GPM6B: variants seen among roughly 807,000 people sequenced by gnomAD.
The protein encoded by GPM6B is glycoprotein M6B.
A neutral mutation model predicts 27.2 loss-of-function variants in GPM6B; 4 were observed. The ratio of observed to expected loss-of-function variants is 0.15; its 90% confidence interval spans 0.07 to 0.34. GPM6B has a LOEUF of 0.34. Among genes scored for constraint, GPM6B ranks in the 10% least tolerant of loss-of-function variants. The pLI is 1.00. For synonymous variants in GPM6B, 124 were observed against 103.1 expected, an observed-to-expected ratio of 1.20 and a Z score of -1.23; for missense variants, 183 against 261.9, an observed-to-expected ratio of 0.70 and a Z score of 2.08.
chrX:13,854,705 T>C (rs1200641140), intron 1 of GPM6B, among the ~76,000 whole-genome samples: 2 of 112,157 alleles, frequency 1.8e-5, no homozygotes, highest in Non-Finnish European at 3.8e-5. Context: ...ATGAGGGATA[T>C]GCTAATTACC....
chrX:13,806,352 C>T, intron 2 of GPM6B, among the ~76,000 whole-genome samples: 1 of 112,334 alleles, frequency 8.9e-6, no homozygotes, highest in Middle Eastern at 4.2e-3. Flanking sequence ...ATATTTCATT[C>T]CTTTTTATTG....
At chrX:13,931,445 A>G (rs187164736) in intron 1 of GPM6B, among the ~76,000 whole-genome samples, 1,843 of 109,286 alleles carry the variant, frequency 0.017, 20 homozygotes, top group Non-Finnish European at 0.027. Flanking sequence ...CCGAGATCGC[A>G]CCACTGCACT....
chrX:13,905,247 GA>G (rs2050319642), intron 1 of GPM6B, among the ~76,000 whole-genome samples: 1 of 60,267 alleles, frequency 1.7e-5, no homozygotes, highest in African/African-American at 6.2e-5. Flanking sequence ...AAAAAAAAAA[GA>G]AAAGAAAAGA....
chrX:13,853,764 A>G (rs2049748981), intron 1 of GPM6B, among the ~76,000 whole-genome samples: 1 of 110,863 alleles, frequency 9.0e-6, no homozygotes. Flanking sequence ...AGCTGGTTAG[A>G]AAGGCAGGCT....
At position 13,812,504 on chromosome X, in the gene GPM6B, T is replaced by G. The variant is rs61465817; in HGVS notation, c.61+4340A>C. Among the ~76,000 whole-genome samples the G allele has an allele frequency of 6.4e-3, 717 of 112,096 alleles. 7 individuals carry two copies. The highest frequency in any genetic ancestry group is 0.022 in the African/African-American group (677 of 30,844). ...CTCCTGGCCAACTATCTCCCATGTA[T>G]GTACATTTGGTCCAAAGGAGAAAAA... On this transcript the variant is annotated intron_variant, in intron 1 of 7. Transcript: ENST00000316715.
chrX:13,873,424 T>C (rs2050001525), intron 1 of GPM6B, among the ~76,000 whole-genome samples: 1 of 111,432 alleles, frequency 9.0e-6, no homozygotes, highest in African/African-American at 3.3e-5. Context: ...TGTCTCTGTT[T>C]CCCGATTCTT....
intron 1 of GPM6B, 90 bp from the exon 2 acceptor site, chrX:13,807,859 G>C: frequency 5.8e-6 from 5 of 860,285 alleles, no homozygotes; most frequent in Non-Finnish European, 8.0e-6. Flanking sequence ...CCATAGAAAG[G>C]AAATGGGGAG....
intron 1 of GPM6B, among the ~76,000 whole-genome samples, chrX:13,930,208 C>G (rs1258197448): frequency 8.9e-6 from 1 of 111,856 alleles, no homozygotes; most frequent in Non-Finnish European, 1.9e-5. Flanking sequence ...ATTAAGTGGT[C>G]AACTTACCTA....
At chrX:13,898,889 C>G (rs1432703630) in intron 1 of GPM6B, among the ~76,000 whole-genome samples, 1 of 111,424 alleles carries the variant, frequency 9.0e-6, no homozygotes, top group Non-Finnish European at 1.9e-5. Context: ...CTTGTCTTCA[C>G]AAACTCAGGT....
At chrX:13,937,200 T>G (rs1569318772) in intron 1 of GPM6B, among the ~76,000 whole-genome samples, 1 of 112,144 alleles carries the variant, frequency 8.9e-6, no homozygotes, top group Admixed American at 9.4e-5. Flanking sequence ...TCTTGCCTTT[T>G]TAGAAAGAAA....
intron 1 of GPM6B, among the ~76,000 whole-genome samples, chrX:13,834,245 T>C (rs746951914): frequency 8.9e-6 from 1 of 112,573 alleles, no homozygotes; most frequent in Non-Finnish European, 1.9e-5. Flanking sequence ...TGATGTATAG[T>C]TAGCAAAGCA....
At chrX:13,785,236 C>T (rs2048587061) in intron 3 of GPM6B, among the ~76,000 whole-genome samples, 1 of 111,846 alleles carries the variant, frequency 8.9e-6, no homozygotes, top group African/African-American at 3.3e-5. Context: ...TAGGAAAGCA[C>T]ACTGTAGTCT....
chrX:13,889,376 A>G (rs751306488), intron 1 of GPM6B: 16 of 111,953 alleles, frequency 1.4e-4, no homozygotes, highest in Non-Finnish European at 2.8e-4. Flanking sequence ...ATATCTGTGG[A>G]ATGCCTACTA....
At chrX:13,847,744 C>T (rs1050599538) in intron 1 of GPM6B, among the ~76,000 whole-genome samples, 1 of 112,007 alleles carries the variant, frequency 8.9e-6, no homozygotes, top group African/African-American at 3.2e-5. Context: ...TTTACAAATA[C>T]GATTTAAACA....
At chrX:13,801,122 C>T (rs939503341) in intron 2 of GPM6B, among the ~76,000 whole-genome samples, 1 of 110,502 alleles carries the variant, frequency 9.0e-6, no homozygotes, top group African/African-American at 3.3e-5. Context: ...GGAAATAAAA[C>T]TTGCTAAAGT....
At chrX:13,802,328 C>CT (rs1211925850) in intron 2 of GPM6B, among the ~76,000 whole-genome samples, 3 of 110,752 alleles carry the variant, frequency 2.7e-5, no homozygotes, top group Non-Finnish European at 5.7e-5. Flanking sequence ...CATCGATCTG[C>CT]TTTTTATCTC....
intron 1 of GPM6B, among the ~76,000 whole-genome samples, chrX:13,872,676 A>C (rs2049992044): frequency 9.0e-6 from 1 of 111,019 alleles, no homozygotes; most frequent in South Asian, 3.8e-4. Flanking sequence ...AGAAAAAAAA[A>C]AAAGACAATT....
upstream of GPM6B, among the ~76,000 whole-genome samples, chrX:13,818,478 T>G (rs986619568): frequency 2.7e-5 from 3 of 112,512 alleles, no homozygotes; most frequent in African/African-American, 9.7e-5. Context: ...CCCTCAAACC[T>G]TCTTATATTT....
intron 1 of GPM6B, among the ~76,000 whole-genome samples, chrX:13,808,330 T>C (rs113055421): frequency 0.014 from 1,575 of 112,245 alleles, 23 homozygotes; most frequent in African/African-American, 0.049. Context: ...ATGTTCTGGA[T>C]TAAATCCTGT....
Sources: allele counts gnomAD v4.1 joint callset (sites outside exome capture counted in the v4.1 genomes callset), GRCh38; gene constraint gnomAD v4.1.1; transcripts MANE v1.5; gene names NCBI Gene and HGNC (gene_info 2026-07-23, HGNC 2026-07-21).